The following EPM2A variants were observed in gnomAD, a reference collection of about 807,000 sequenced individuals.
EPM2A encodes the protein laforin.
In EPM2A, 21 loss-of-function variants were observed where a neutral mutation model predicts 26.5. That is an observed-to-expected ratio of 0.79 (90% CI 0.56 to 1.14). EPM2A has a LOEUF of 1.14. Ranked by LOEUF, EPM2A falls within the 50% of genes most tolerant of loss-of-function variation. EPM2A has a pLI of 0.00. For synonymous variants in EPM2A, 217 were observed against 177.6 expected (o/e 1.22, Z -1.76); for missense variants, 458 against 440.8 (o/e 1.04, Z -0.35).
intron 2 of EPM2A, among the ~76,000 whole-genome samples, chr6:145,658,170 T>C (rs1480586462): frequency 1.3e-5 from 2 of 152,240 alleles, no homozygotes; most frequent in Non-Finnish European, 2.9e-5. Flanking sequence ...TAAAATACTT[T>C]AAGCCAAGTT....
At chr6:145,587,628 C>T (rs1009382058) in intron 2 of EPM2A, among the ~76,000 whole-genome samples, 2 of 152,178 alleles carry the variant, frequency 1.3e-5, no homozygotes, top group Non-Finnish European at 2.9e-5. Context: ...TTTTCTCAAA[C>T]AGGTGAAGGA....
intron 4 of EPM2A, among the ~76,000 whole-genome samples, chr6:145,457,964 T>C (rs1187671260): frequency 6.6e-6 from 1 of 152,246 alleles, no homozygotes; most frequent in East Asian, 1.9e-4. Context: ...ATGTAACTTG[T>C]ATCAGCAATG....
intron 2 of EPM2A, among the ~76,000 whole-genome samples, chr6:145,554,459 G>GATAGATAGATAGATAGATACATACATAC (rs1187061981): frequency 5.3e-5 from 8 of 151,492 alleles, no homozygotes; most frequent in African/African-American, 1.9e-4. Flanking sequence ...TAGATAGATA[G>GATAGATAGATAGATAGATACATACATAC]ATAGATAGAT....
At chr6:145,429,617 T>C (rs1209928199) in intron 4 of EPM2A, among the ~76,000 whole-genome samples, 1 of 152,210 alleles carries the variant, frequency 6.6e-6, no homozygotes, top group African/African-American at 2.4e-5. Flanking sequence ...TTTGTAATCA[T>C]CTTTAGGATT....
chr6:145,620,326 G>A (rs949420677), downstream of EPM2A, among the ~76,000 whole-genome samples: 9 of 152,074 alleles, frequency 5.9e-5, no homozygotes, highest in African/African-American at 2.2e-4. Context: ...ATCTGATGCC[G>A]CTGCTGATCT....
At chr6:145,604,526 C>T (rs1781457658) in intron 2 of EPM2A, among the ~76,000 whole-genome samples, 1 of 152,078 alleles carries the variant, frequency 6.6e-6, no homozygotes, top group Admixed American at 6.5e-5. Context: ...AAATCCAACC[C>T]AGACACAGAA....
intron 1 of EPM2A, among the ~76,000 whole-genome samples, chr6:145,697,280 T>A (rs1435023414): frequency 6.6e-6 from 1 of 151,946 alleles, no homozygotes; most frequent in Non-Finnish European, 1.5e-5. Flanking sequence ...TTTTTATTAG[T>A]GATTTTCAAA....
chr6:145,657,143 G>GC (rs1220681732), intron 2 of EPM2A, among the ~76,000 whole-genome samples: 1 of 147,218 alleles, frequency 6.8e-6, no homozygotes, highest in Non-Finnish European at 1.5e-5. Context: ...AGGCTGGAGT[G>GC]CAGTGGCAGG....
At chr6:145,468,688 A>G (rs761875261) in intron 4 of EPM2A, among the ~76,000 whole-genome samples, 2 of 152,068 alleles carry the variant, frequency 1.3e-5, no homozygotes. Flanking sequence ...CTAAAATAAA[A>G]CATTGGGGAA....
At chr6:145,545,939 G>C (rs895308468) in intron 2 of EPM2A, among the ~76,000 whole-genome samples, 1 of 152,146 alleles carries the variant, frequency 6.6e-6, no homozygotes, top group Admixed American at 6.6e-5. Context: ...TGTTGAGTCT[G>C]CTTGCTAAAT....
At chr6:145,541,776 T>C (rs1400973922) in intron 2 of EPM2A, among the ~76,000 whole-genome samples, 4 of 152,170 alleles carry the variant, frequency 2.6e-5, no homozygotes, top group Non-Finnish European at 5.9e-5. Flanking sequence ...ATCTTTAATT[T>C]TGATATATTA....
intron 2 of EPM2A, among the ~76,000 whole-genome samples, chr6:145,672,947 C>T (rs1298094241): frequency 6.6e-6 from 1 of 152,152 alleles, no homozygotes; most frequent in Non-Finnish European, 1.5e-5. Context: ...TCTATATACT[C>T]AGAGCCTCTA....
upstream of EPM2A, chr6:145,735,572 G>A: frequency 1.8e-6 from 2 of 1,103,010 alleles, no homozygotes; most frequent in East Asian, 5.2e-5. Flanking sequence ...GCACTAGGCG[G>A]CCGCAGCGAT....
At chr6:145,394,415 C>T (rs953967048) in intron 4 of EPM2A, among the ~76,000 whole-genome samples, 12 of 152,096 alleles carry the variant, frequency 7.9e-5, no homozygotes, top group African/African-American at 2.9e-4. Flanking sequence ...GTCTGATTCA[C>T]TCAGCACTGC....
intron 2 of EPM2A, chr6:145,640,970 G>A (rs1777043194): frequency 6.6e-6 from 1 of 152,082 alleles, no homozygotes; most frequent in African/African-American, 2.4e-5. Flanking sequence ...TTAAACCATA[G>A]TTTTATTATA....
chr6:145,725,590 T>C (rs552893553), intron 1 of EPM2A, among the ~76,000 whole-genome samples: 1 of 151,986 alleles, frequency 6.6e-6, no homozygotes, highest in Non-Finnish European at 1.5e-5. Flanking sequence ...CATCCAGCAA[T>C]AAAAAGAAAT....
intron 4 of EPM2A, among the ~76,000 whole-genome samples, chr6:145,396,112 C>A (rs779757898): frequency 4.6e-5 from 7 of 152,150 alleles, no homozygotes; most frequent in African/African-American, 7.2e-5. Context: ...CTCTTGGATA[C>A]CATTCAGGCT....
chr6:145,705,499 G>A, intron 1 of EPM2A: 1 of 450,870 alleles, frequency 2.2e-6, no homozygotes, highest in Non-Finnish European at 4.5e-6. Flanking sequence ...AGGCTGCAGT[G>A]AGGCAAGATT....
intron 4 of EPM2A, among the ~76,000 whole-genome samples, chr6:145,478,937 TG>T (rs1779578735): frequency 6.6e-6 from 1 of 151,794 alleles, no homozygotes; most frequent in Non-Finnish European, 1.5e-5. Flanking sequence ...TTATACTATG[TG>T]CTTGTTTCAC....
Sources: allele counts gnomAD v4.1 joint callset (sites outside exome capture counted in the v4.1 genomes callset), GRCh38; gene constraint gnomAD v4.1.1; transcripts MANE v1.5; gene names NCBI Gene and HGNC (gene_info 2026-07-23, HGNC 2026-07-21).